Variants in MAVS observed in about 807,000 individuals in gnomAD.
MAVS encodes mitochondrial antiviral signaling protein, also known as mitochondrial antiviral-signaling protein.
In MAVS, 20 loss-of-function variants were observed where a neutral mutation model predicts 30.2. That is an observed-to-expected ratio of 0.66 (90% CI 0.47 to 0.96). MAVS has a LOEUF of 0.96. Among genes scored for constraint, MAVS ranks in the 40% least tolerant of loss-of-function variants. The pLI is 0.00. For synonymous variants in MAVS, 278 were observed against 293.9 expected (o/e 0.95, Z 0.55); for missense variants, 624 against 701.1 (o/e 0.89, Z 1.24).
Position 3,867,996 on chromosome 20 carries a change from A to C in MAVS, c.*1849A>C, listed in dbSNP as rs1600457272. On this transcript the variant is annotated 3_prime_UTR_variant, in exon 7 of 7. Coordinates refer to ENST00000428216, the MANE Select transcript of MAVS (RefSeq NM_020746.5). ...CAGGGGCTGGGCTCACTGTGGCCCCACCCCAAGCCGTCAGCCTCCAGGGAT... is the reference window on the plus strand; with the variant it reads ...CAGGGGCTGGGCTCACTGTGGCCCCCCCCCAAGCCGTCAGCCTCCAGGGAT... 9.6e-6 allele frequency: 1 copy of C among 104,170 alleles called. No individual in the cohort carries two copies. The highest frequency in any genetic ancestry group is 9.7e-5 in the Admixed American group (1 of 10,346). The allele number at this position is 104,170 out of a possible 1,614,324, so 6.5% of individuals were successfully genotyped here.
chr20:3,870,634 TAAAAAAAAAAAAAAAAAAAAAAAAAAAA>T lies in MAVS; in HGVS notation c.*4502_*4529del, dbSNP rs58186808. ...GGGCAACAAAGCAAGACCCTATCTC[TAAAAAAAAAAAAAAAAAAAAAAAAAAAA>T]AAAAAAAAAAAAAATCTAGGAGATG... On this transcript the variant is annotated 3_prime_UTR_variant, in exon 7 of 7. Coordinates refer to ENST00000428216, the MANE Select transcript of MAVS (RefSeq NM_020746.5). The T allele has an allele frequency of 6.8e-5, 2 of 29,484 alleles. No homozygotes were observed. The highest frequency in any genetic ancestry group is 1.5e-3 in the East Asian group (1 of 682). 1.8% of individuals were successfully genotyped at this position (29,484 alleles called of 1,614,324 possible). A position where few individuals can be genotyped will look rare whatever the true frequency, so the allele number is the denominator to read the frequency against.
In MAVS at chr20:3,871,269, C is replaced by T. The variant is rs1327537051; in HGVS notation, c.*5122C>T. 1 of 153,896 alleles carries T rather than the reference C, an allele frequency of 6.5e-6. No individual in the cohort carries two copies. Among genetic ancestry groups the T allele is most frequent in the Non-Finnish European group, 1.5e-5 (1 of 68,096 alleles). 9.5% of individuals were successfully genotyped at this position (153,896 alleles called of 1,614,324 possible). A position where few individuals can be genotyped will look rare whatever the true frequency, so the allele number is the denominator to read the frequency against. On this transcript the variant is annotated 3_prime_UTR_variant, in exon 7 of 7. Coordinates refer to ENST00000428216, the MANE Select transcript of MAVS (RefSeq NM_020746.5). ...GGTCTGGAGGATTTTGTGCCTAAGGCCCTCTCTTTGCTCCCAGACAGCATG... is the reference window on the plus strand; with the variant it reads ...GGTCTGGAGGATTTTGTGCCTAAGGTCCTCTCTTTGCTCCCAGACAGCATG...
intron 1 of MAVS, among the ~76,000 whole-genome samples, chr20:3,852,010 C>CTTTTTTTTTTTTTTTT (rs1568531967): frequency 2.5e-5 from 1 of 39,408 alleles, no homozygotes; most frequent in African/African-American, 1.3e-4. Context: ...TTTTTTTTCC[C>CTTTTTTTTTTTTTTTT]CCGAGACGGA....
In MAVS at chr20:3,874,032, A is replaced by G. The variant is rs934712205; in HGVS notation, c.*7885A>G. 6 of 398,266 alleles carry G rather than the reference A, an allele frequency of 1.5e-5. No homozygotes were observed. Among genetic ancestry groups the G allele is most frequent in the African/African-American group, 1.2e-4 (6 of 48,606 alleles). 24.7% of individuals were successfully genotyped at this position (398,266 alleles called of 1,614,324 possible). On this transcript the variant is annotated 3_prime_UTR_variant, in exon 7 of 7. Transcript: ENST00000428216. Reference sequence around the variant, plus strand: ...TGTCCATCCACCAACCCAAATGTCCATCCACAGTTGAAGCTACAGTGAAGT... The same window carrying G: ...TGTCCATCCACCAACCCAAATGTCCGTCCACAGTTGAAGCTACAGTGAAGT...
intron 2 of MAVS, among the ~76,000 whole-genome samples, chr20:3,856,221 A>AT (rs1359638508): frequency 6.6e-6 from 1 of 151,362 alleles, no homozygotes; most frequent in Non-Finnish European, 1.5e-5. Flanking sequence ...TGCCCGGCTA[A>AT]TTTTTTGTAT....
intron 2 of MAVS, among the ~76,000 whole-genome samples, chr20:3,854,977 G>A (rs1336153069): frequency 2.7e-4 from 39 of 143,526 alleles, no homozygotes; most frequent in African/African-American, 9.4e-4. Flanking sequence ...TGCAACCTCC[G>A]CCTCCTGGGT....
chr20:3,857,952 T>C, intron 3 of MAVS, 143 bp downstream of exon 3: 1 of 950,196 alleles, frequency 1.1e-6, no homozygotes, highest in Non-Finnish European at 1.6e-6. Context: ...TGGGTGTAGA[T>C]CCAGGCTGAG....
chr20:3,851,990 C>CTTTTTTTTTTTTTTTTTTTTTT lies in MAVS; in HGVS notation c.-67-2551_-67-2550insTTTTTTTTTTTTTTTTTTTTTT, dbSNP rs770960832. Reference sequence around the variant, plus strand: ...AAAAAAAGAATGTATGTGTAGCAGGCTTTTTTTTTTTTTTTTTCCCCCGAG... The same window carrying CTTTTTTTTTTTTTTTTTTTTTT: ...AAAAAAAGAATGTATGTGTAGCAGGCTTTTTTTTTTTTTTTTTTTTTTTTTTTTTTTTTTTTTTTCCCCCGAG... On this transcript the variant is annotated intron_variant, in intron 1 of 6. Coordinates refer to ENST00000428216, the MANE Select transcript of MAVS (RefSeq NM_020746.5). Among the ~76,000 whole-genome samples the CTTTTTTTTTTTTTTTTTTTTTT allele has an allele frequency of 2.2e-3, 178 of 80,356 alleles. 16 individuals are homozygous for CTTTTTTTTTTTTTTTTTTTTTT. The highest frequency in any genetic ancestry group is 0.02 in the African/African-American group (170 of 8,376). 52.7% of individuals were successfully genotyped at this position (80,356 alleles called of 152,430 possible).
At chr20:3,854,245 A>G (rs1255405992) in intron 1 of MAVS, among the ~76,000 whole-genome samples, 2 of 150,888 alleles carry the variant, frequency 1.3e-5, no homozygotes, top group East Asian at 2.0e-4. Context: ...ACATGGTGAA[A>G]CCCCATCTCT....
chr20:3,861,772 A>G (rs1341491733), intron 4 of MAVS, among the ~76,000 whole-genome samples: 1 of 147,200 alleles, frequency 6.8e-6, no homozygotes, highest in Non-Finnish European at 1.5e-5. Flanking sequence ...TGTGTGTGAC[A>G]GTGTCTCATT....
chr20:3,863,587 G>A (rs1568537162), intron 5 of MAVS, among the ~76,000 whole-genome samples: 1 of 152,036 alleles, frequency 6.6e-6, no homozygotes. Flanking sequence ...TGGGGGAGCT[G>A]TACATCAGAA....
rs1198157242 is a variant in MAVS at position 3,865,689 on chromosome 20, C to G, written c.1165C>G (p.Pro389Ala). ...TDGSSRNEET[P>A]AAPTPAGATG... ...GCTCTCCTTTCTTTCCCAGGAGACC[C>G]CAGCAGCTCCAACACCCGCCGGCGC... Residue 389 changes from proline (P) to alanine (A), a missense_variant, in exon 7 of 7, where the codon CCA becomes GCA. Physicochemically the swap from Pro to Ala is conservative, Grantham distance 27 (BLOSUM62 -1). Coordinates refer to ENST00000428216, the MANE Select transcript of MAVS (RefSeq NM_020746.5). The surrounding 1 kb of genome is among the most constrained non-coding windows in gnomAD (Gnocchi z 4.7). 1 of 1,602,212 alleles carries G rather than the reference C, an allele frequency of 6.2e-7. No individual in the cohort carries two copies. The highest frequency in any genetic ancestry group is 1.7e-5 in the Admixed American group (1 of 59,244).
At chr20:3,860,717 C>T (rs2089859468) in intron 3 of MAVS, among the ~76,000 whole-genome samples, 1 of 151,858 alleles carries the variant, frequency 6.6e-6, no homozygotes, top group African/African-American at 2.4e-5. Flanking sequence ...TGCTCTGTTG[C>T]CCAGGCTGGA....
At chr20:3,864,863 G>T (rs2089894849) in intron 6 of MAVS, 75 bp downstream of exon 6, 1 of 1,546,026 alleles carries the variant, frequency 6.5e-7, no homozygotes, top group Non-Finnish European at 8.7e-7. Flanking sequence ...CCCTGGCCTT[G>T]GCCCCTTCCC....
At chr20:3,851,447 A>C (rs1331449049) in intron 1 of MAVS, among the ~76,000 whole-genome samples, 3 of 147,594 alleles carry the variant, frequency 2.0e-5, no homozygotes, top group Admixed American at 1.4e-4. Context: ...TGGAGGCTGC[A>C]GTGAGCCGAG....
At chr20:3,857,190 C>T (rs1007806676) in intron 2 of MAVS, among the ~76,000 whole-genome samples, 2 of 152,050 alleles carry the variant, frequency 1.3e-5, no homozygotes, top group African/African-American at 4.8e-5. Context: ...CTACCTTTTC[C>T]TTCTCTCCTA....
At chr20:3,852,010 C>CTTTTTTTTTTTTTTTTTTT (rs1568531967) in intron 1 of MAVS, among the ~76,000 whole-genome samples, 6 of 39,408 alleles carry the variant, frequency 1.5e-4, no homozygotes, top group African/African-American at 7.9e-4. Context: ...TTTTTTTTCC[C>CTTTTTTTTTTTTTTTTTTT]CCGAGACGGA....
chr20:3,861,858 C>T (rs1012857423), intron 4 of MAVS, among the ~76,000 whole-genome samples: 2 of 152,114 alleles, frequency 1.3e-5, no homozygotes, highest in Non-Finnish European at 2.9e-5. Flanking sequence ...AGGTCATTCT[C>T]CTGCCTCAGC....
Position 3,872,479 on chromosome 20 carries a change from A to G in MAVS, c.*6332A>G, listed in dbSNP as rs991723166. On this transcript the variant is annotated 3_prime_UTR_variant, in exon 7 of 7. Transcript: ENST00000428216. ...TTTTCACACCAACACATCTCTGCCC[A>G]GTGTGCCAACATCTGCCACCTGCTA... 2 of 152,348 alleles carry G rather than the reference A, an allele frequency of 1.3e-5. No individual in the cohort carries two copies. The highest frequency in any genetic ancestry group is 6.5e-5 in the Admixed American group (1 of 15,276). 9.4% of individuals were successfully genotyped at this position (152,348 alleles called of 1,614,324 possible). A position where few individuals can be genotyped will look rare whatever the true frequency, so the allele number is the denominator to read the frequency against.
Sources: gnomAD v4.1 joint callset for allele counts (sites outside exome capture counted in the v4.1 genomes callset) on GRCh38, gnomAD v4.1.1 for gene constraint, Gnocchi (gnomAD v3.1) non-coding constraint, MANE v1.5 for transcripts, NCBI Gene and HGNC (gene_info 2026-07-23, HGNC 2026-07-21) for gene names.